The following GRIN2A variants were observed in gnomAD, a reference collection of about 807,000 sequenced individuals.
The protein encoded by GRIN2A is glutamate ionotropic receptor NMDA type subunit 2A, also known as glutamate receptor ionotropic, NMDA 2A.
GRIN2A carries 22 observed loss-of-function variants against 113.4 expected under a neutral mutation model. That is an observed-to-expected ratio of 0.19 (90% CI 0.14 to 0.28). GRIN2A has a LOEUF of 0.28. Among genes scored for constraint, GRIN2A ranks in the 10% least tolerant of loss-of-function variants. The probability of loss-of-function intolerance (pLI) is 1.00; values close to 1 mark genes in which losing one functional copy is unlikely to be tolerated. For missense variants in GRIN2A, 1,502 were observed against 1,887.0 expected (o/e 0.80, Z 3.78); for synonymous variants, 827 against 738.4 (o/e 1.12, Z -1.94).
At chr16:10,099,691 T>C (rs1457340020) in intron 2 of GRIN2A, among the ~76,000 whole-genome samples, 2 of 152,160 alleles carry the variant, frequency 1.3e-5, no homozygotes, top group Non-Finnish European at 2.9e-5. Flanking sequence ...AGAATAAAGG[T>C]AACTCACTTC....
At chr16:10,072,139 T>C (rs897517226) in intron 2 of GRIN2A, among the ~76,000 whole-genome samples, 1 of 152,208 alleles carries the variant, frequency 6.6e-6, no homozygotes, top group Non-Finnish European at 1.5e-5. Context: ...GGACAATCTT[T>C]CACCATCGTG....
At chr16:9,880,673 T>A (rs556926163) in intron 4 of GRIN2A, among the ~76,000 whole-genome samples, 1 of 152,194 alleles carries the variant, frequency 6.6e-6, no homozygotes, top group African/African-American at 2.4e-5. Context: ...TCCAATCACA[T>A]TGAACTCTTC....
chr16:9,995,460 G>A (rs1045038441), intron 2 of GRIN2A, among the ~76,000 whole-genome samples: 13 of 152,148 alleles, frequency 8.5e-5, no homozygotes, highest in Admixed American at 6.5e-4. Flanking sequence ...TGTTGTCGTT[G>A]GTGGTGGTGG....
At chr16:10,149,092 G>C (rs1466697885) in intron 2 of GRIN2A, among the ~76,000 whole-genome samples, 3 of 152,262 alleles carry the variant, frequency 2.0e-5, no homozygotes, top group South Asian at 2.1e-4. Flanking sequence ...GGGGTGTGAG[G>C]GCAGGGAATA....
At chr16:10,100,627 C>T (rs930003923) in intron 2 of GRIN2A, among the ~76,000 whole-genome samples, 1 of 152,184 alleles carries the variant, frequency 6.6e-6, no homozygotes, top group Non-Finnish European at 1.5e-5. Context: ...TTGTAAGATG[C>T]TTTTCAGTTC....
rs893065784 is a variant in GRIN2A at position 9,945,412 on chromosome 16, G to T, written c.415-6861C>A. 2.0e-5 allele frequency among the ~76,000 whole-genome samples: 3 copies of T among 152,112 alleles called. No individual in the cohort carries two copies. In the East Asian group the frequency reaches 5.8e-4, roughly 29 times the overall value. ...GTTCGTCAAGTTCAGGGAACAGAAG[G>T]AAAGTCAGAACAGCTGAAGTTTAAG... On this transcript the variant is annotated intron_variant, in intron 2 of 12. Coordinates refer to ENST00000330684, the MANE Select transcript of GRIN2A (RefSeq NM_001134407.3).
chr16:10,044,081 C>A (rs1370746537), intron 2 of GRIN2A, among the ~76,000 whole-genome samples: 8 of 143,832 alleles, frequency 5.6e-5, no homozygotes, highest in East Asian at 4.4e-4. Context: ...ACAGAGAGTG[C>A]CTCACTCTGT....
Position 10,081,381 on chromosome 16 carries a change from C to G in GRIN2A, c.414+98617G>C, listed in dbSNP as rs187766256. Among the ~76,000 whole-genome samples, 224 of 152,316 alleles carry G rather than the reference C, an allele frequency of 1.5e-3. 3 individuals are homozygous for G. The highest frequency in any genetic ancestry group is 4.9e-3 in the African/African-American group (204 of 41,562). On this transcript the variant is annotated intron_variant, in intron 2 of 12. Coordinates refer to ENST00000330684, the MANE Select transcript of GRIN2A (RefSeq NM_001134407.3). ...AAGTTCTGCTCCTTACATATGCCCC[C>G]AGAAAGTTGTTCCAAGTGAAGGCAG... is the stretch of plus-strand genomic sequence containing the variant.
intron 3 of GRIN2A, among the ~76,000 whole-genome samples, chr16:9,936,254 T>C (rs989557558): frequency 1.3e-5 from 2 of 152,216 alleles, no homozygotes; most frequent in Non-Finnish European, 2.9e-5. Flanking sequence ...AACTCTGAGA[T>C]TGAGGCCCAG....
At chr16:9,972,016 G>A (rs1405495773) in intron 2 of GRIN2A, among the ~76,000 whole-genome samples, 1 of 152,118 alleles carries the variant, frequency 6.6e-6, no homozygotes, top group African/African-American at 2.4e-5. Flanking sequence ...TGAGGAGGTG[G>A]AAGTTAGAGA....
chr16:9,991,229 G>C (rs1031543296), intron 2 of GRIN2A, among the ~76,000 whole-genome samples: 1 of 152,138 alleles, frequency 6.6e-6, no homozygotes. Context: ...CTTAATATCA[G>C]GTAGTATTAT....
At chr16:10,055,955 TCA>T (rs2047450806) in intron 2 of GRIN2A, among the ~76,000 whole-genome samples, 2 of 152,322 alleles carry the variant, frequency 1.3e-5, no homozygotes, top group Admixed American at 6.5e-5. Flanking sequence ...TCTCAGGGTT[TCA>T]CTAAGCATAC....
intron 2 of GRIN2A, among the ~76,000 whole-genome samples, chr16:9,962,505 T>C (rs1296403443): frequency 1.3e-5 from 2 of 151,996 alleles, no homozygotes; most frequent in Non-Finnish European, 2.9e-5. Flanking sequence ...AAAAAACACA[T>C]GAAAAAATGC....
At chr16:10,021,314 T>A (rs2046716629) in intron 2 of GRIN2A, among the ~76,000 whole-genome samples, 1 of 152,166 alleles carries the variant, frequency 6.6e-6, no homozygotes, top group Admixed American at 6.6e-5. Flanking sequence ...CCTCCTGGAA[T>A]CCCTCCTGGA....
intron 7 of GRIN2A, among the ~76,000 whole-genome samples, chr16:9,839,576 A>G (rs942047782): frequency 2.6e-5 from 4 of 152,134 alleles, no homozygotes; most frequent in Non-Finnish European, 5.9e-5. Flanking sequence ...TGCAGTCATC[A>G]TTATTTTCAC....
intron 2 of GRIN2A, among the ~76,000 whole-genome samples, chr16:9,992,203 G>A (rs1374873106): frequency 6.6e-6 from 1 of 152,066 alleles, no homozygotes; most frequent in African/African-American, 2.4e-5. Flanking sequence ...ATCCGTTCAT[G>A]GACACTTGAA....
At chr16:9,928,954 A>G (rs2044527858) in intron 3 of GRIN2A, among the ~76,000 whole-genome samples, 1 of 152,236 alleles carries the variant, frequency 6.6e-6, no homozygotes, top group Non-Finnish European at 1.5e-5. Context: ...TACGATGTCT[A>G]TCATGGAGCA....
At chr16:10,102,564 G>T (rs554244327) in intron 2 of GRIN2A, among the ~76,000 whole-genome samples, 36 of 151,880 alleles carry the variant, frequency 2.4e-4, no homozygotes, top group African/African-American at 8.7e-4. Context: ...TTTTATTGGG[G>T]GGGACAGAGT....
At chr16:9,842,263 G>A (rs28618165) in intron 5 of GRIN2A, among the ~76,000 whole-genome samples, 46 of 144,750 alleles carry the variant, frequency 3.2e-4, no homozygotes, top group African/African-American at 1.2e-3. Flanking sequence ...AAAAAAAAAA[G>A]AAAAAAGAAA....
Sources: gnomAD v4.1 joint callset for allele counts (sites outside exome capture counted in the v4.1 genomes callset) on GRCh38, gnomAD v4.1.1 for gene constraint, MANE v1.5 for transcripts, NCBI Gene and HGNC (gene_info 2026-07-23, HGNC 2026-07-21) for gene names.